The following SLIT2 variants were observed in gnomAD, a reference collection of about 807,000 sequenced individuals.
SLIT2 encodes the protein slit guidance ligand 2.
A neutral mutation model predicts 185.7 loss-of-function variants in SLIT2; 41 were observed. The ratio of observed to expected loss-of-function variants is 0.22; its 90% CI spans 0.17 to 0.29. The LOEUF is 0.29. Ranked by LOEUF, SLIT2 falls within the 10% of genes least tolerant of loss-of-function variation. The pLI is 1.00. For missense variants in SLIT2, 1,571 were observed against 1,909.0 expected, an observed-to-expected ratio of 0.82 and a Z score of 3.30; for synonymous variants, 693 against 680.2, an observed-to-expected ratio of 1.02 and a Z score of -0.29.
chr4:20,396,706 AT>A (rs894194234), intron 4 of SLIT2, among the ~76,000 whole-genome samples: 3 of 150,586 alleles, frequency 2.0e-5, no homozygotes, highest in Non-Finnish European at 3.0e-5. Flanking sequence ...TCTTTTCTGG[AT>A]TTTGTATATT....
intron 4 of SLIT2, among the ~76,000 whole-genome samples, chr4:20,416,380 ATACTTATTATCTCAT>A (rs1283544109): frequency 6.6e-6 from 1 of 152,178 alleles, no homozygotes; most frequent in African/African-American, 2.4e-5. Context: ...TTAGGGCCAC[ATACTTATTATCTCAT>A]TACTTATTAT....
rs568355785 is a variant in SLIT2, at chr4:20,336,763, A to T, written c.395+67882A>T. ...TAGACACAACTGAGCACCAGTTTGC[A>T]CATGTTCCAAGTGTGAGGGGCTGCC... is the stretch of plus-strand genomic sequence containing the variant. On this transcript the variant is annotated intron_variant, in intron 4 of 36. Transcript: ENST00000504154. 9.2e-5 allele frequency among the ~76,000 whole-genome samples: 14 copies of T among 152,326 alleles called. No individual in the cohort carries two copies. In the South Asian group the frequency reaches 2.5e-3, roughly 27 times the overall value.
At chr4:20,586,872 G>A (rs1273687020) in intron 29 of SLIT2, among the ~76,000 whole-genome samples, 1 of 152,172 alleles carries the variant, frequency 6.6e-6, no homozygotes, top group Admixed American at 6.5e-5. Flanking sequence ...CTGGCATGGA[G>A]TTGAAATAAA....
At chr4:20,268,985 A>G (rs1460598413) in intron 4 of SLIT2, 104 bp downstream of exon 4, 10 of 738,934 alleles carry the variant, frequency 1.4e-5, no homozygotes, top group South Asian at 4.6e-5. Context: ...CTGTTCATCA[A>G]TAGATTAATG....
At chr4:20,497,756 A>G (rs773339364) in intron 9 of SLIT2, among the ~76,000 whole-genome samples, 1 of 152,108 alleles carries the variant, frequency 6.6e-6, no homozygotes, top group Non-Finnish European at 1.5e-5. Flanking sequence ...TTCCCTCACC[A>G]TTTCTGCCCC....
chr4:20,321,780 C>T (rs1050635208), intron 4 of SLIT2, among the ~76,000 whole-genome samples: 1 of 152,294 alleles, frequency 6.6e-6, no homozygotes, highest in Non-Finnish European at 1.5e-5. Flanking sequence ...CATTCTCTCT[C>T]CCTACAAATT....
intron 4 of SLIT2, among the ~76,000 whole-genome samples, chr4:20,404,903 T>C (rs1726649932): frequency 6.6e-6 from 1 of 152,008 alleles, no homozygotes; most frequent in African/African-American, 2.4e-5. Flanking sequence ...TTAAAGGGTC[T>C]ACCATTAATA....
chr4:20,367,384 C>CT (rs990188048), intron 4 of SLIT2, among the ~76,000 whole-genome samples: 1 of 152,020 alleles, frequency 6.6e-6, no homozygotes, highest in African/African-American at 2.4e-5. Flanking sequence ...TTTGGGAAAC[C>CT]TTTTGTCTTT....
chr4:20,610,085 C>A lies in SLIT2; in HGVS notation c.3765C>A (p.Ser1255=), dbSNP rs779990848. 76 of 1,613,542 alleles carry A rather than the reference C, an allele frequency of 4.7e-5. No individual in the cohort carries two copies. In the South Asian group the frequency reaches 7.8e-4, roughly 17 times the overall value. ...CCTTGGATCAGAGTCTCTCTTTGTC[C>A]GTGGATGGTGGGAACCCCAAAATCA... ...LLALDQSLSL[S]VDGGNPKIIT... Residue 1255 remains serine (S), a synonymous_variant, in exon 34 of 37, where the codon TCC becomes TCA. Transcript: ENST00000504154.
At chr4:20,599,097 C>G (rs762042976) in intron 33 of SLIT2, among the ~76,000 whole-genome samples, 1 of 152,108 alleles carries the variant, frequency 6.6e-6, no homozygotes, top group Non-Finnish European at 1.5e-5. Context: ...GGAACAAAGC[C>G]CCTGCTCATT....
intron 4 of SLIT2, among the ~76,000 whole-genome samples, chr4:20,461,804 T>C (rs1713746932): frequency 6.6e-6 from 1 of 152,186 alleles, no homozygotes; most frequent in Non-Finnish European, 1.5e-5. Flanking sequence ...CAGGAAGATG[T>C]GTTTTGATAT....
intron 4 of SLIT2, among the ~76,000 whole-genome samples, chr4:20,317,404 G>A (rs533118411): frequency 3.7e-4 from 57 of 152,110 alleles, no homozygotes; most frequent in Non-Finnish European, 6.0e-4. Flanking sequence ...AGACCCTACA[G>A]CATAGCAAAT....
At chr4:20,403,221 T>C (rs1249371195) in intron 4 of SLIT2, among the ~76,000 whole-genome samples, 2 of 151,930 alleles carry the variant, frequency 1.3e-5, no homozygotes, top group African/African-American at 4.8e-5. Flanking sequence ...GAAAAATACA[T>C]CTAGATTGTA....
intron 30 of SLIT2, among the ~76,000 whole-genome samples, chr4:20,592,157 ATGT>A (rs1355289465): frequency 6.6e-6 from 1 of 152,154 alleles, no homozygotes; most frequent in Non-Finnish European, 1.5e-5. Flanking sequence ...CTACTGACAA[ATGT>A]TGTTTAGACA....
chr4:20,294,462 G>A lies in SLIT2; in HGVS notation c.395+25581G>A, dbSNP rs76029427. ...CCACTGTGTATCATGTTTCATACACGGAAGATTATATCCTGAAATCACTGG... is the reference window on the plus strand; with the variant it reads ...CCACTGTGTATCATGTTTCATACACAGAAGATTATATCCTGAAATCACTGG... On this transcript the variant is annotated intron_variant, in intron 4 of 36. Transcript: ENST00000504154. Among the ~76,000 whole-genome samples the A allele has an allele frequency of 1.9e-3, 288 of 152,196 alleles. 1 individual carries two copies. The highest frequency in any genetic ancestry group is 5.6e-3 in the African/African-American group (232 of 41,526).
At chr4:20,486,121 C>A (rs1023899127) in intron 6 of SLIT2, 79 bp from the exon 7 acceptor site, 10 of 848,148 alleles carry the variant, frequency 1.2e-5, no homozygotes, top group Non-Finnish European at 1.6e-5. Flanking sequence ...TAGTACAAGA[C>A]GTTTTCTCTA....
Position 20,354,906 on chromosome 4 carries a change from TGAGAGAGAGAGAGA to T in SLIT2, c.395+86052_395+86065del, listed in dbSNP as rs35761202. On this transcript the variant is annotated intron_variant, in intron 4 of 36. Transcript: ENST00000504154. ...GTCTGCGTGTGTGTGTGTGTGTGTG[TGAGAGAGAGAGAGA>T]GAGAGAGAGAGAGAGAGAGAGAGAG... is the stretch of plus-strand genomic sequence containing the variant. Among the ~76,000 whole-genome samples the T allele has an allele frequency of 9.7e-4, 75 of 77,088 alleles. No individual in the cohort carries two copies. The South Asian group carries it at 0.031, about 32-fold the overall frequency. 50.6% of individuals were successfully genotyped at this position (77,088 alleles called of 152,430 possible).
chr4:20,484,019 G>A lies in SLIT2; in HGVS notation c.540-2181G>A, dbSNP rs567020651. 2.0e-5 allele frequency among the ~76,000 whole-genome samples: 3 copies of A among 152,104 alleles called. No homozygotes were observed. The highest frequency in any genetic ancestry group is 6.6e-5 in the Admixed American group (1 of 15,248). ...GTACAGAATAAAATACTAAGATAAT[G>A]TATTCCTTTAGTTGCATTATGTGAA... On this transcript the variant is annotated intron_variant, in intron 6 of 36. Coordinates refer to ENST00000504154, the MANE Select transcript of SLIT2 (RefSeq NM_004787.4). The surrounding 1 kb of genome is among the most constrained non-coding windows in gnomAD (Gnocchi z 4.3).
Position 20,388,778 on chromosome 4 carries a change from G to GA in SLIT2, c.396-78959dup, listed in dbSNP as rs67546102. On this transcript the variant is annotated intron_variant, in intron 4 of 36. Transcript: ENST00000504154. ...GACAGAGCGAGACTCCGTCTCAGGG[G>GA]AAAAAAAAAAAAAAATATATATATA... is the stretch of plus-strand genomic sequence containing the variant. 4.5e-3 allele frequency among the ~76,000 whole-genome samples: 567 copies of GA among 125,834 alleles called. 6 individuals are homozygous for GA. The highest frequency in any genetic ancestry group is 0.015 in the African/African-American group (513 of 33,664). The allele number at this position is 125,834 out of a possible 152,430, so 82.6% of individuals were successfully genotyped here. A position where few individuals can be genotyped will look rare whatever the true frequency, so the allele number is the denominator to read the frequency against.
Sources: allele counts gnomAD v4.1 joint callset (sites outside exome capture counted in the v4.1 genomes callset), GRCh38; gene constraint gnomAD v4.1.1; non-coding constraint Gnocchi (gnomAD v3.1); transcripts MANE v1.5; gene names NCBI Gene and HGNC (gene_info 2026-07-23, HGNC 2026-07-21).